NR2C2: variants seen among roughly 807,000 people sequenced by gnomAD.
NR2C2 encodes Nuclear hormone receptor TR4.
NR2C2 carries 6 observed loss-of-function variants against 62.9 expected under a neutral mutation model. The observed-to-expected ratio is 0.10, with a 90% CI of 0.05 to 0.19. The LOEUF is 0.19. Ranked by LOEUF, NR2C2 falls within the 10% of genes least tolerant of loss-of-function variation. The probability of loss-of-function intolerance (pLI) is 1.00; values close to 1 mark genes in which losing one functional copy is unlikely to be tolerated. For synonymous variants in NR2C2, 272 were observed against 273.8 expected (o/e 0.99, Z 0.07); for missense variants, 479 against 762.7 (o/e 0.63, Z 4.38).
Position 14,960,642 on chromosome 3 carries a change from A to G in NR2C2, c.-40+12736A>G, listed in dbSNP as rs193191646. On this transcript the variant is annotated intron_variant, in intron 1 of 13. Coordinates refer to ENST00000425241, the MANE Select transcript of NR2C2 (RefSeq NM_001291694.2). The stretch of plus-strand genomic sequence containing the variant: ...TATTCCTGTAATAATTCAAATTCAC[A>G]TATTTCTTACATTGAACTATAGTTA... Among the ~76,000 whole-genome samples, 133 of 152,342 alleles carry G rather than the reference A, an allele frequency of 8.7e-4. 2 individuals carry two copies. Among genetic ancestry groups the G allele is most frequent in the African/African-American group, 3.1e-3 (129 of 41,592 alleles).
Position 15,019,016 on chromosome 3 carries a change from T to TAA in NR2C2, c.377-1715_377-1714dup, listed in dbSNP as rs35022020. 7.4e-3 allele frequency among the ~76,000 whole-genome samples: 567 copies of TAA among 76,436 alleles called. 10 individuals carry two copies. Among genetic ancestry groups the TAA allele is most frequent in the African/African-American group, 0.027 (459 of 17,282 alleles). The allele number at this position is 76,436 out of a possible 152,430, so 50.1% of individuals were successfully genotyped here. On this transcript the variant is annotated intron_variant, in intron 4 of 13. Transcript: ENST00000425241. ...GGTGACAAAAGCAAGACTCTTGTCT[T>TAA]AAAAAAAAAAAAAAAAAAAAAAAGA...
At chr3:15,037,926 T>C (rs1401164097) in intron 11 of NR2C2, 74 bp from the exon 12 acceptor site, 16 of 1,443,922 alleles carry the variant, frequency 1.1e-5, no homozygotes, top group Admixed American at 4.3e-5. Context: ...TTTCTTTCCA[T>C]ATGTGGCCCC....
chr3:15,015,792 T>C (rs1333465652), intron 3 of NR2C2, among the ~76,000 whole-genome samples: 2 of 152,310 alleles, frequency 1.3e-5, no homozygotes, highest in Middle Eastern at 3.4e-3. Context: ...CTTTGCTTAG[T>C]GATCTGGGTT....
intron 1 of NR2C2, among the ~76,000 whole-genome samples, chr3:14,985,056 T>C (rs1452395618): frequency 1.3e-5 from 2 of 152,188 alleles, no homozygotes; most frequent in Non-Finnish European, 2.9e-5. Flanking sequence ...TCTTTTCATG[T>C]GATTATTTGC....
At chr3:14,999,509 T>G (rs1462177666) in intron 1 of NR2C2, among the ~76,000 whole-genome samples, 1 of 152,168 alleles carries the variant, frequency 6.6e-6, no homozygotes, top group African/African-American at 2.4e-5. Flanking sequence ...AAAAAAAGTT[T>G]CTAGTTTTAA....
chr3:15,005,146 AG>A (rs2041131133), intron 2 of NR2C2, among the ~76,000 whole-genome samples: 3 of 151,750 alleles, frequency 2.0e-5, no homozygotes, highest in African/African-American at 4.8e-5. Context: ...TCTTTTTATT[AG>A]TGTTAGTTGC....
chr3:14,970,201 G>T (rs893227675), intron 1 of NR2C2, among the ~76,000 whole-genome samples: 4 of 122,972 alleles, frequency 3.3e-5, no homozygotes, highest in Non-Finnish European at 6.3e-5. Context: ...TTTAAAAAAT[G>T]TCCTTACCCC....
At chr3:14,975,062 C>T (rs986504707) in intron 1 of NR2C2, among the ~76,000 whole-genome samples, 9 of 152,094 alleles carry the variant, frequency 5.9e-5, no homozygotes, top group Non-Finnish European at 8.8e-5. Context: ...TGTATAGAAA[C>T]GTTACTGATT....
At position 15,042,990 on chromosome 3, in the gene NR2C2, C is replaced by T; in HGVS notation, c.1773C>T (p.Ile591=). The T allele has an allele frequency of 6.2e-7, 1 of 1,614,080 alleles. No homozygotes were observed. The highest frequency in any genetic ancestry group is 8.5e-7 in the Non-Finnish European group (1 of 1,179,958). ...AGACAGCAGAGTATAATGGCCAGAT[C>T]ACCGGAGCCAGTCTATAGCGCAAAC... ...KMETAEYNGQ[I]TGASL is the part of the protein sequence containing the mutation. The change falls in exon 14 of 14, where the codon ATC becomes ATT. Residue 591 remains isoleucine (I), a synonymous_variant. Coordinates refer to ENST00000425241, the MANE Select transcript of NR2C2 (RefSeq NM_001291694.2).
chr3:15,044,830 G>C lies in NR2C2; in HGVS notation c.*1822G>C, dbSNP rs1404171788. The C allele has an allele frequency of 6.6e-6, 1 of 152,266 alleles. No homozygotes were observed. The highest frequency in any genetic ancestry group is 1.5e-5 in the Non-Finnish European group (1 of 68,056). The allele number at this position is 152,266 out of a possible 1,614,324, so 9.4% of individuals were successfully genotyped here. A position where few individuals can be genotyped will look rare whatever the true frequency, so the allele number is the denominator to read the frequency against. On this transcript the variant is annotated 3_prime_UTR_variant, in exon 14 of 14. Transcript: ENST00000425241. ...AGGCTCAAGGCAGAACAGGATGCTTGATCCTGAAGGGTTAGCAGCACTTTA... is the reference window on the plus strand; with the variant it reads ...AGGCTCAAGGCAGAACAGGATGCTTCATCCTGAAGGGTTAGCAGCACTTTA...
chr3:14,958,719 T>C (rs2039600476), intron 1 of NR2C2, among the ~76,000 whole-genome samples: 2 of 152,244 alleles, frequency 1.3e-5, no homozygotes, highest in South Asian at 4.1e-4. Context: ...GGCTAATGCC[T>C]GTAATCCCAG....
chr3:14,998,406 C>A (rs1051552832), intron 1 of NR2C2, among the ~76,000 whole-genome samples: 1 of 152,230 alleles, frequency 6.6e-6, no homozygotes, highest in African/African-American at 2.4e-5. Context: ...AGGTTCCCAT[C>A]TCCACATTTT....
At chr3:14,952,189 C>G (rs991674942) in intron 1 of NR2C2, among the ~76,000 whole-genome samples, 28 of 152,224 alleles carry the variant, frequency 1.8e-4, no homozygotes, top group African/African-American at 5.5e-4. Context: ...CCCCATTTGT[C>G]AAACAGGGAG....
At chr3:15,040,959 G>C (rs79141383) in intron 13 of NR2C2, among the ~76,000 whole-genome samples, 2 of 152,146 alleles carry the variant, frequency 1.3e-5, no homozygotes. Flanking sequence ...CAGCACACTC[G>C]AGAATCACTT....
intron 1 of NR2C2, among the ~76,000 whole-genome samples, chr3:14,997,681 T>A (rs918253534): frequency 1.3e-5 from 2 of 152,208 alleles, no homozygotes; most frequent in Admixed American, 1.3e-4. Flanking sequence ...AAATACTGGA[T>A]TCTGTTGACT....
intron 1 of NR2C2, among the ~76,000 whole-genome samples, chr3:14,956,350 ATTAGAC>A (rs1173754123): frequency 7.9e-5 from 12 of 152,244 alleles, no homozygotes; most frequent in Admixed American, 7.9e-4. Flanking sequence ...AATCAGAATA[ATTAGAC>A]TTATACTGAA....
intron 1 of NR2C2, among the ~76,000 whole-genome samples, chr3:14,984,574 T>C (rs564695228): frequency 6.6e-6 from 1 of 152,356 alleles, no homozygotes; most frequent in Admixed American, 6.5e-5. Flanking sequence ...TTTTTTTGTC[T>C]TGCTTCTTTC....
chr3:14,986,831 A>G (rs192944714), intron 1 of NR2C2, among the ~76,000 whole-genome samples: 107 of 152,354 alleles, frequency 7.0e-4, no homozygotes, highest in Middle Eastern at 3.4e-3. Flanking sequence ...CTTCAGGGAA[A>G]TTGTTAATAG....
chr3:15,042,827 T>TTATA lies in NR2C2; in HGVS notation c.1617-6_1617-5insATAT, dbSNP rs1232271091. On this transcript the variant is annotated splice_polypyrimidine_tract_variant and splice_region_variant and intron_variant, in intron 13 of 13. Coordinates refer to ENST00000425241, the MANE Select transcript of NR2C2 (RefSeq NM_001291694.2). ...GTCTCCTTTTCTAATGACACTCCCT[T>TTATA]TTATAGATTGGCCCGGATCCTCGTT... 6.2e-7 allele frequency: 1 copy of TTATA among 1,613,074 alleles called. No individual in the cohort carries two copies. The highest frequency in any genetic ancestry group is 8.5e-7 in the Non-Finnish European group (1 of 1,179,354).
Sources: gnomAD v4.1 joint callset for allele counts (sites outside exome capture counted in the v4.1 genomes callset) on GRCh38, gnomAD v4.1.1 for gene constraint, MANE v1.5 for transcripts, NCBI Gene and HGNC (gene_info 2026-07-23, HGNC 2026-07-21) for gene names.